The following INPP4B variants were observed in gnomAD, a reference collection of about 807,000 sequenced individuals.
INPP4B encodes the protein inositol polyphosphate 4-phosphatase type II.
INPP4B carries 55 observed loss-of-function variants against 122.5 expected under a neutral mutation model. The ratio of observed to expected loss-of-function variants is 0.45; its 90% CI spans 0.36 to 0.56. The LOEUF is 0.56. INPP4B is among the 20% of genes least tolerant of loss of function. INPP4B has a pLI of 0.00. For synonymous variants in INPP4B, 403 were observed against 388.7 expected, an observed-to-expected ratio of 1.04 and a Z score of -0.43; for missense variants, 1,000 against 1,097.7, an observed-to-expected ratio of 0.91 and a Z score of 1.26.
intron 1 of INPP4B, among the ~76,000 whole-genome samples, chr4:142,771,167 A>G (rs768010648): frequency 1.5e-4 from 23 of 152,150 alleles, no homozygotes; most frequent in Non-Finnish European, 3.1e-4. Flanking sequence ...TTCCTATATA[A>G]GAAAAAATTA....
intron 11 of INPP4B, among the ~76,000 whole-genome samples, chr4:142,242,135 GAC>G (rs1859707642): frequency 6.6e-6 from 1 of 152,112 alleles, no homozygotes; most frequent in Admixed American, 6.6e-5. Flanking sequence ...AATCCAATTA[GAC>G]ACTGACACAT....
chr4:142,366,696 G>C (rs1305713609), intron 7 of INPP4B, among the ~76,000 whole-genome samples: 4 of 152,092 alleles, frequency 2.6e-5, no homozygotes, highest in African/African-American at 9.7e-5. Flanking sequence ...GGGATACAAT[G>C]TGTTGGGGAT....
intron 2 of INPP4B, among the ~76,000 whole-genome samples, chr4:142,488,595 A>T (rs1251766029): frequency 6.6e-6 from 1 of 151,956 alleles, no homozygotes; most frequent in Non-Finnish European, 1.5e-5. Flanking sequence ...TTTTTTACTT[A>T]TGTCAATTTT....
At chr4:142,644,847 A>T (rs1022769487) in intron 2 of INPP4B, among the ~76,000 whole-genome samples, 14 of 143,286 alleles carry the variant, frequency 9.8e-5, no homozygotes, top group African/African-American at 3.6e-4. Flanking sequence ...AAGAGCTTGC[A>T]GTGAGCCAAG....
chr4:142,073,913 G>A (rs1769007739), intron 25 of INPP4B, among the ~76,000 whole-genome samples: 1 of 151,946 alleles, frequency 6.6e-6, no homozygotes, highest in Non-Finnish European at 1.5e-5. Flanking sequence ...AAGTGCAAAG[G>A]CATCAATCAT....
rs1736384131 is a variant in INPP4B at position 142,024,397 on chromosome 4, T to C, written c.*4385A>G. ...CTACACATCTCTCACCAAATCATTCTTTTTGGTCGTGCATAATTTTTAAGG... is the reference window on the plus strand; with the variant it reads ...CTACACATCTCTCACCAAATCATTCCTTTTGGTCGTGCATAATTTTTAAGG... On this transcript the variant is annotated 3_prime_UTR_variant, in exon 26 of 26. Transcript: ENST00000262992. 6.6e-6 allele frequency: 1 copy of C among 152,174 alleles called. No individual in the cohort carries two copies. The highest frequency in any genetic ancestry group is 1.5e-5 in the Non-Finnish European group (1 of 67,998). The allele number at this position is 152,174 out of a possible 1,614,324, so 9.4% of individuals were successfully genotyped here. A position where few individuals can be genotyped will look rare whatever the true frequency, so the allele number is the denominator to read the frequency against.
chr4:142,487,682 G>T (rs541656753), intron 2 of INPP4B, among the ~76,000 whole-genome samples: 1 of 152,006 alleles, frequency 6.6e-6, no homozygotes, highest in Non-Finnish European at 1.5e-5. Flanking sequence ...AGTATTTTAC[G>T]TTTGGGGGAT....
intron 2 of INPP4B, among the ~76,000 whole-genome samples, chr4:142,614,771 C>T (rs1743335408): frequency 6.6e-6 from 1 of 151,966 alleles, no homozygotes; most frequent in Non-Finnish European, 1.5e-5. Flanking sequence ...TACAAGTAAC[C>T]TATAAACATA....
At chr4:142,539,970 T>C (rs545754371) in intron 2 of INPP4B, among the ~76,000 whole-genome samples, 3 of 152,194 alleles carry the variant, frequency 2.0e-5, no homozygotes, top group Non-Finnish European at 4.4e-5. Context: ...TGGAAACACA[T>C]ATCTTTTTCA....
chr4:142,650,404 TA>T (rs1752683877), intron 2 of INPP4B, among the ~76,000 whole-genome samples: 1 of 152,044 alleles, frequency 6.6e-6, no homozygotes, highest in Non-Finnish European at 1.5e-5. Flanking sequence ...ATGCCCCAAT[TA>T]AAAGACACAG....
intron 2 of INPP4B, among the ~76,000 whole-genome samples, chr4:142,539,869 A>C (rs968730157): frequency 2.0e-5 from 3 of 152,096 alleles, no homozygotes; most frequent in African/African-American, 7.2e-5. Flanking sequence ...AGTACTATCA[A>C]TACGTAGGGA....
At chr4:142,568,538 T>C (rs1040439371) in intron 2 of INPP4B, among the ~76,000 whole-genome samples, 5 of 152,218 alleles carry the variant, frequency 3.3e-5, no homozygotes, top group Non-Finnish European at 7.4e-5. Flanking sequence ...TTATATCATG[T>C]ACATATCTAA....
At chr4:142,050,270 T>C (rs570996168) in intron 25 of INPP4B, among the ~76,000 whole-genome samples, 10 of 152,152 alleles carry the variant, frequency 6.6e-5, no homozygotes, top group African/African-American at 2.4e-4. Context: ...AACATGCTTA[T>C]GTAGAAATCT....
intron 2 of INPP4B, among the ~76,000 whole-genome samples, chr4:142,468,893 C>G (rs78986670): frequency 0.1 from 15,892 of 152,078 alleles, 997 homozygotes; most frequent in Non-Finnish European, 0.14. Flanking sequence ...TTCTGAGAAC[C>G]CATACATTTG....
intron 18 of INPP4B, among the ~76,000 whole-genome samples, chr4:142,145,018 C>G (rs1247450911): frequency 2.0e-5 from 3 of 152,016 alleles, no homozygotes; most frequent in African/African-American, 7.2e-5. Context: ...AAAAGTCTGA[C>G]TCAACCCTAA....
chr4:142,243,919 T>TTTA (rs1561590086), intron 11 of INPP4B, among the ~76,000 whole-genome samples: 1 of 150,660 alleles, frequency 6.6e-6, no homozygotes, highest in Non-Finnish European at 1.5e-5. Context: ...ATTATTATTA[T>TTTA]TTATTATTAT....
chr4:142,315,492 G>A (rs1767218153), intron 7 of INPP4B, among the ~76,000 whole-genome samples: 1 of 151,948 alleles, frequency 6.6e-6, no homozygotes, highest in Non-Finnish European at 1.5e-5. Context: ...CTTCAACTGA[G>A]TGGTGATTTT....
intron 2 of INPP4B, among the ~76,000 whole-genome samples, chr4:142,554,382 AAAGGAAAAAAAAGAAATTCCTCTAATTGG>A (rs1201269734): frequency 2.7e-5 from 4 of 150,312 alleles, no homozygotes; most frequent in African/African-American, 7.3e-5. Context: ...AAAAAAAAAA[AAAGGAAAAAAAAGAAATTCCTCTAATTGG>A]TCTCCCATAC....
At chr4:142,475,572 C>A (rs1009611886) in intron 2 of INPP4B, among the ~76,000 whole-genome samples, 24 of 151,968 alleles carry the variant, frequency 1.6e-4, no homozygotes, top group African/African-American at 4.6e-4. Context: ...AAAGAAGAAA[C>A]CCAATTCAAT....
Sources: gnomAD v4.1 joint callset for allele counts (sites outside exome capture counted in the v4.1 genomes callset) on GRCh38, gnomAD v4.1.1 for gene constraint, MANE v1.5 for transcripts, NCBI Gene and HGNC (gene_info 2026-07-23, HGNC 2026-07-21) for gene names.